EDIL3: variants seen among roughly 807,000 people sequenced by gnomAD.
EDIL3 encodes the protein EGF like and discoidin domains 3.
A neutral mutation model predicts 67.4 loss-of-function variants in EDIL3; 37 were observed. The ratio of observed to expected loss-of-function variants is 0.55; its 90% confidence interval spans 0.42 to 0.72. The LOEUF (loss-of-function observed/expected upper bound fraction) is 0.72, where lower values mean the gene tolerates loss of function less well. EDIL3 is among the 30% of genes least tolerant of loss of function. EDIL3 has a pLI of 0.00. For missense variants in EDIL3, 527 were observed against 586.3 expected, an observed-to-expected ratio of 0.90 and a Z score of 1.04; for synonymous variants, 195 against 196.3, an observed-to-expected ratio of 0.99 and a Z score of 0.05.
intron 1 of EDIL3, among the ~76,000 whole-genome samples, chr5:84,366,207 T>C (rs1747730477): frequency 6.6e-6 from 1 of 152,202 alleles, no homozygotes; most frequent in Non-Finnish European, 1.5e-5. Context: ...TACCAAGTAT[T>C]GTGCTACAGC....
At position 84,297,425 on chromosome 5, in the gene EDIL3, T is replaced by C. The variant is rs549309102; in HGVS notation, c.68-43213A>G. 6.6e-5 allele frequency among the ~76,000 whole-genome samples: 10 copies of C among 152,300 alleles called. No individual in the cohort carries two copies. The South Asian group carries it at 1.5e-3, about 22-fold the overall frequency. On this transcript the variant is annotated intron_variant, in intron 1 of 10. Transcript: ENST00000296591. ...CAGAGAAATAGGAATGCTTTTACAC[T>C]GTTGGTGGGAATTAGTTCAACCATT...
intron 4 of EDIL3, among the ~76,000 whole-genome samples, chr5:84,169,971 T>C (rs942223601): frequency 1.3e-5 from 2 of 152,220 alleles, no homozygotes; most frequent in East Asian, 1.9e-4. Context: ...TTTTTCTCCA[T>C]TAATGAAGTT....
chr5:84,314,267 T>C (rs1242870225), intron 1 of EDIL3, among the ~76,000 whole-genome samples: 1 of 152,126 alleles, frequency 6.6e-6, no homozygotes, highest in Non-Finnish European at 1.5e-5. Context: ...CAGTCCGTAC[T>C]ATGACTTGGC....
chr5:84,039,739 A>G (rs940878459), intron 9 of EDIL3, among the ~76,000 whole-genome samples: 5 of 152,170 alleles, frequency 3.3e-5, no homozygotes, highest in African/African-American at 9.7e-5. Flanking sequence ...TTTTAAAAGT[A>G]TAAGTACATC....
chr5:84,173,324 T>G (rs1748844203), intron 4 of EDIL3, among the ~76,000 whole-genome samples: 1 of 152,098 alleles, frequency 6.6e-6, no homozygotes, highest in Non-Finnish European at 1.5e-5. Flanking sequence ...CCATAGAGGC[T>G]GAGCTCATGG....
chr5:84,271,189 G>A (rs766616096), intron 1 of EDIL3, among the ~76,000 whole-genome samples: 45 of 152,134 alleles, frequency 3.0e-4, no homozygotes, highest in Admixed American at 5.2e-4. Flanking sequence ...TAGAATGCCC[G>A]TTTAACTATC....
chr5:84,314,477 C>T (rs1033285962), intron 1 of EDIL3, among the ~76,000 whole-genome samples: 6 of 152,142 alleles, frequency 3.9e-5, no homozygotes, highest in Non-Finnish European at 8.8e-5. Context: ...AAAGGAAAGT[C>T]TATTTTAGGC....
chr5:84,251,510 A>G (rs1444965849), intron 2 of EDIL3, among the ~76,000 whole-genome samples: 1 of 151,974 alleles, frequency 6.6e-6, no homozygotes, highest in Admixed American at 6.6e-5. Context: ...ATATGAAAAG[A>G]CCCAAGGTAA....
rs145992141 is a variant in EDIL3 at position 84,016,725 on chromosome 5, C to T, written c.1137+43575G>A. 3.2e-4 allele frequency among the ~76,000 whole-genome samples: 48 copies of T among 152,322 alleles called. No homozygotes were observed. The East Asian group carries it at 8.9e-3, about 28-fold the overall frequency. On this transcript the variant is annotated intron_variant, in intron 9 of 10. Coordinates refer to ENST00000296591, the MANE Select transcript of EDIL3 (RefSeq NM_005711.5). ...TCCCTGGTTACTCCTGGGCCTCATT[C>T]TCAAGGGATTTCAATACATATATAT... is the stretch of plus-strand genomic sequence containing the variant.
intron 9 of EDIL3, among the ~76,000 whole-genome samples, chr5:84,001,573 A>G (rs2112169973): frequency 6.6e-6 from 1 of 152,150 alleles, no homozygotes; most frequent in South Asian, 2.1e-4. Flanking sequence ...AAGAGACAAG[A>G]CCCAAATAAA....
At chr5:84,019,156 CAAT>C (rs1308759863) in intron 9 of EDIL3, among the ~76,000 whole-genome samples, 1 of 152,060 alleles carries the variant, frequency 6.6e-6, no homozygotes, top group Non-Finnish European at 1.5e-5. Flanking sequence ...AAATGTCCAA[CAAT>C]GATAGACTGG....
At chr5:84,181,304 T>G (rs1749008221) in intron 3 of EDIL3, 1 of 152,190 alleles carries the variant, frequency 6.6e-6, no homozygotes, top group South Asian at 2.1e-4. Context: ...GCTGACAACA[T>G]TCAGCTACTG....
intron 9 of EDIL3, among the ~76,000 whole-genome samples, chr5:84,019,193 C>T (rs373275658): frequency 1.3e-5 from 2 of 152,104 alleles, no homozygotes; most frequent in African/African-American, 2.4e-5. Flanking sequence ...GGCACATATA[C>T]ACCATGGAAT....
intron 4 of EDIL3, among the ~76,000 whole-genome samples, chr5:84,168,482 C>T (rs1748752566): frequency 6.6e-6 from 1 of 152,046 alleles, no homozygotes; most frequent in African/African-American, 2.4e-5. Flanking sequence ...CTTTAAATTT[C>T]TAGATTCTAT....
In EDIL3 at chr5:84,137,076, T is replaced by C. The variant is rs138539260; in HGVS notation, c.469+165A>G. On this transcript the variant is annotated intron_variant, in intron 5 of 10. Coordinates refer to ENST00000296591, the MANE Select transcript of EDIL3 (RefSeq NM_005711.5). ...ATATGAAAAGTGCCATTTCAATGGA[T>C]TATGCACTCTGAAGGCAAATAATAT... Among the ~76,000 whole-genome samples, 135 of 152,184 alleles carry C rather than the reference T, an allele frequency of 8.9e-4. 2 individuals are homozygous for C. The highest frequency in any genetic ancestry group is 5.6e-3 in the South Asian group (27 of 4,822).
chr5:84,037,800 C>T (rs1746047083), intron 9 of EDIL3, among the ~76,000 whole-genome samples: 2 of 151,976 alleles, frequency 1.3e-5, no homozygotes, highest in Non-Finnish European at 2.9e-5. Flanking sequence ...AAAACAATCA[C>T]CAAATAGTGG....
intron 1 of EDIL3, among the ~76,000 whole-genome samples, chr5:84,333,946 C>A (rs1423653570): frequency 6.6e-6 from 1 of 151,872 alleles, no homozygotes; most frequent in Non-Finnish European, 1.5e-5. Context: ...AATAATTGTA[C>A]AAAATATGTC....
At chr5:84,337,826 A>C (rs1747021277) in intron 1 of EDIL3, among the ~76,000 whole-genome samples, 1 of 152,150 alleles carries the variant, frequency 6.6e-6, no homozygotes, top group South Asian at 2.1e-4. Context: ...TTTCATGTTG[A>C]ATAAGAAATC....
intron 1 of EDIL3, among the ~76,000 whole-genome samples, chr5:84,342,759 G>C (rs900518934): frequency 7.2e-5 from 11 of 152,036 alleles, no homozygotes; most frequent in African/African-American, 2.4e-4. Flanking sequence ...TGGTTTTCTG[G>C]AACTGAATAA....
Sources: allele counts gnomAD v4.1 joint callset (sites outside exome capture counted in the v4.1 genomes callset), GRCh38; gene constraint gnomAD v4.1.1; transcripts MANE v1.5; gene names NCBI Gene and HGNC (gene_info 2026-07-23, HGNC 2026-07-21).